The following KIAA1958 variants were observed in gnomAD, a reference collection of about 807,000 sequenced individuals.
The protein encoded by KIAA1958 is uncharacterized protein KIAA1958.
In KIAA1958, 14 loss-of-function variants were observed where a neutral mutation model predicts 47.2. The ratio of observed to expected loss-of-function variants is 0.30; its 90% confidence interval spans 0.20 to 0.46. KIAA1958 has a LOEUF of 0.46. Among genes scored for constraint, KIAA1958 ranks in the 20% least tolerant of loss-of-function variants. The pLI is 1.00. For missense variants in KIAA1958, 803 were observed against 909.2 expected, an observed-to-expected ratio of 0.88 and a Z score of 1.50; for synonymous variants, 354 against 353.3, an observed-to-expected ratio of 1.00 and a Z score of -0.02.
At chr9:112,487,679 C>G (rs1229154551) in intron 1 of KIAA1958, among the ~76,000 whole-genome samples, 1 of 152,068 alleles carries the variant, frequency 6.6e-6, no homozygotes, top group African/African-American at 2.4e-5. Flanking sequence ...TTTATTGTTT[C>G]TAACGGAGGA....
At chr9:112,503,570 T>C (rs1436869685) in intron 1 of KIAA1958, among the ~76,000 whole-genome samples, 1 of 139,488 alleles carries the variant, frequency 7.2e-6, no homozygotes, top group East Asian at 2.1e-4. Context: ...TGAGCTGTGT[T>C]CATACCACTG....
intron 2 of KIAA1958, among the ~76,000 whole-genome samples, chr9:112,595,819 C>G (rs898410008): frequency 2.0e-5 from 3 of 150,578 alleles, no homozygotes; most frequent in Non-Finnish European, 4.4e-5. Flanking sequence ...GAGTTTCACT[C>G]TTATTGCCCA....
intron 2 of KIAA1958, among the ~76,000 whole-genome samples, chr9:112,581,587 A>G (rs1480470306): frequency 6.6e-6 from 1 of 152,180 alleles, no homozygotes; most frequent in Non-Finnish European, 1.5e-5. Flanking sequence ...GCGGAGATTA[A>G]TAGGAAAGTC....
chr9:112,540,397 T>C (rs926357748), intron 1 of KIAA1958, among the ~76,000 whole-genome samples: 1 of 152,158 alleles, frequency 6.6e-6, no homozygotes, highest in African/African-American at 2.4e-5. Flanking sequence ...CACATATAGA[T>C]GGATAGATAA....
intron 2 of KIAA1958, among the ~76,000 whole-genome samples, chr9:112,590,738 C>T (rs559495462): frequency 2.0e-5 from 3 of 152,196 alleles, no homozygotes; most frequent in East Asian, 1.9e-4. Flanking sequence ...TAGGGGCCAA[C>T]GTAATGATGA....
chr9:112,551,704 C>T (rs2132838929), intron 1 of KIAA1958, among the ~76,000 whole-genome samples: 1 of 152,176 alleles, frequency 6.6e-6, no homozygotes, highest in East Asian at 1.9e-4. Flanking sequence ...AGAAATGTCC[C>T]TTGGCTTCTC....
intron 1 of KIAA1958, among the ~76,000 whole-genome samples, chr9:112,527,276 G>A (rs1834674270): frequency 6.6e-6 from 1 of 152,194 alleles, no homozygotes; most frequent in Admixed American, 6.5e-5. Context: ...GTAGTGGTAG[G>A]AGAGAGACCT....
chr9:112,501,147 CTT>C (rs915606577), intron 1 of KIAA1958, among the ~76,000 whole-genome samples: 2 of 147,988 alleles, frequency 1.4e-5, no homozygotes, highest in East Asian at 2.0e-4. Context: ...ACTCAAAAAA[CTT>C]TTTTTTTTCA....
At chr9:112,487,728 A>G (rs991104307) in intron 1 of KIAA1958, among the ~76,000 whole-genome samples, 28 of 152,040 alleles carry the variant, frequency 1.8e-4, no homozygotes, top group African/African-American at 6.5e-4. Context: ...CCCCACCCCC[A>G]TCTGAGGCTG....
At position 112,663,949 on chromosome 9, in the gene KIAA1958, A is replaced by G. The variant is rs1304092358; in HGVS notation, c.*3880A>G. On this transcript the variant is annotated 3_prime_UTR_variant, in exon 4 of 4. Transcript: ENST00000337530. ...GTAATACTCTTGTAGAAACGGAAGC[A>G]TCTTGCTGTACTTGAAAGATAACTG... 6.6e-6 allele frequency: 1 copy of G among 152,282 alleles called. No homozygotes were observed. Among genetic ancestry groups the G allele is most frequent in the Non-Finnish European group, 1.5e-5 (1 of 68,054 alleles). The allele number at this position is 152,282 out of a possible 1,614,324, so 9.4% of individuals were successfully genotyped here. A position where few individuals can be genotyped will look rare whatever the true frequency, so the allele number is the denominator to read the frequency against.
At chr9:112,567,359 G>A (rs573880939) in intron 1 of KIAA1958, among the ~76,000 whole-genome samples, 55 of 152,266 alleles carry the variant, frequency 3.6e-4, no homozygotes, top group Non-Finnish European at 1.9e-4. Flanking sequence ...GCTCAAGGGC[G>A]TCACCAGGGA....
At chr9:112,644,042 G>C (rs1588052101) in intron 2 of KIAA1958, among the ~76,000 whole-genome samples, 1 of 152,056 alleles carries the variant, frequency 6.6e-6, no homozygotes, top group African/African-American at 2.4e-5. Flanking sequence ...GCCGGGCGTA[G>C]TGGTGGTCAC....
chr9:112,494,018 T>C (rs1834013312), intron 1 of KIAA1958, among the ~76,000 whole-genome samples: 1 of 152,234 alleles, frequency 6.6e-6, no homozygotes, highest in South Asian at 2.1e-4. Flanking sequence ...AAACTTAATT[T>C]ACAGAACCAG....
chr9:112,509,200 CTTTT>C (rs67222850), intron 1 of KIAA1958, among the ~76,000 whole-genome samples: 2 of 113,148 alleles, frequency 1.8e-5, no homozygotes, highest in Admixed American at 9.5e-5. Context: ...CAGGCCCATT[CTTTT>C]TTTTTTTTTT....
chr9:112,590,814 A>C (rs1835907965), intron 2 of KIAA1958, among the ~76,000 whole-genome samples: 1 of 152,226 alleles, frequency 6.6e-6, no homozygotes, highest in Non-Finnish European at 1.5e-5. Context: ...CTCTTACAGC[A>C]AAATTTCATA....
intron 1 of KIAA1958, among the ~76,000 whole-genome samples, chr9:112,499,696 T>C (rs936430660): frequency 6.7e-6 from 1 of 149,346 alleles, no homozygotes; most frequent in African/African-American, 2.5e-5. Context: ...TTCTTTTTTT[T>C]TTTTTTTTTT....
At chr9:112,498,607 T>C (rs1834083782) in intron 1 of KIAA1958, among the ~76,000 whole-genome samples, 1 of 152,260 alleles carries the variant, frequency 6.6e-6, no homozygotes, top group Non-Finnish European at 1.5e-5. Context: ...ATGTGTAGAG[T>C]GGAGTGATTT....
intron 1 of KIAA1958, among the ~76,000 whole-genome samples, chr9:112,504,192 T>G (rs958971231): frequency 6.6e-6 from 1 of 151,254 alleles, no homozygotes; most frequent in African/African-American, 2.4e-5. Context: ...GATTATCTTT[T>G]TTTTTTTTTT....
At chr9:112,637,251 T>C (rs1037748720) in intron 2 of KIAA1958, among the ~76,000 whole-genome samples, 2 of 152,226 alleles carry the variant, frequency 1.3e-5, no homozygotes, top group African/African-American at 4.8e-5. Flanking sequence ...TTCTTCATTC[T>C]TTTCTCATTA....
Sources: gnomAD v4.1 joint callset for allele counts (sites outside exome capture counted in the v4.1 genomes callset) on GRCh38, gnomAD v4.1.1 for gene constraint, MANE v1.5 for transcripts, NCBI Gene and HGNC (gene_info 2026-07-23, HGNC 2026-07-21) for gene names.